Variants in DDX6 observed in about 807,000 individuals in gnomAD.
DDX6 encodes DEAD-box helicase 6, also known as probable ATP-dependent RNA helicase DDX6.
DDX6 carries 7 observed loss-of-function variants against 60.6 expected under a neutral mutation model. The ratio of observed to expected loss-of-function variants is 0.12; its 90% CI spans 0.07 to 0.22. DDX6 has a LOEUF of 0.22. Ranked by LOEUF, DDX6 falls within the 10% of genes least tolerant of loss-of-function variation. DDX6 has a pLI of 1.00. For synonymous variants in DDX6, 207 were observed against 201.0 expected (o/e 1.03, Z -0.25); for missense variants, 270 against 589.9 (o/e 0.46, Z 5.62).
intron 2 of DDX6, among the ~76,000 whole-genome samples, chr11:118,781,570 T>A (rs1443405404): frequency 1.3e-5 from 2 of 152,214 alleles, no homozygotes; most frequent in Non-Finnish European, 2.9e-5. Flanking sequence ...TCCACCTGCC[T>A]CGGCCTCCCA....
rs1029206104 is a variant in DDX6 at position 118,768,290 on chromosome 11, T to G, written c.432A>C (p.Thr144=). The stretch of plus-strand genomic sequence containing the variant: ...GAATGAGGTAGGCACCGCTCTTGCC[T>G]GTTCCATTTTTTGCTCTAGCTAAGA... ...RDILARAKNG[T]GKSGAYLIPL... Residue 144 remains threonine, a synonymous_variant, in exon 5 of 14, where the codon ACA becomes ACC. Transcript: ENST00000534980. 1 of 1,613,580 alleles carries G rather than the reference T, an allele frequency of 6.2e-7. No individual in the cohort carries two copies. The highest frequency in any genetic ancestry group is 2.2e-5 in the East Asian group (1 of 44,872).
intron 1 of DDX6, chr11:118,787,260 A>C (rs1391434240): frequency 6.6e-6 from 1 of 152,292 alleles, no homozygotes; most frequent in Non-Finnish European, 1.5e-5. Flanking sequence ...TCATGAGGTC[A>C]GGAGTTCAGG....
rs1860783850 is a variant in DDX6 at position 118,751,850 on chromosome 11, AT to A, written c.*254del. The A allele has an allele frequency of 4.7e-6, 2 of 427,174 alleles. No individual in the cohort carries two copies. Among genetic ancestry groups the A allele is most frequent in the South Asian group, 3.4e-5 (2 of 58,366 alleles). 26.5% of individuals were successfully genotyped at this position (427,174 alleles called of 1,614,324 possible). A position where few individuals can be genotyped will look rare whatever the true frequency, so the allele number is the denominator to read the frequency against. ...TCCTTGTCCCCTTTCCCCAGAAAAC[AT>A]TTTTTAAAAACCAGCAGTTAGTGCA... On this transcript the variant is annotated 3_prime_UTR_variant, in exon 14 of 14. Coordinates refer to ENST00000534980, the MANE Select transcript of DDX6 (RefSeq NM_004397.6).
chr11:118,775,593 T>C (rs1565573931), intron 4 of DDX6, among the ~76,000 whole-genome samples: 4 of 152,234 alleles, frequency 2.6e-5, no homozygotes, highest in African/African-American at 9.6e-5. Flanking sequence ...TAAAACAATA[T>C]ACTCATACAA....
intron 3 of DDX6, among the ~76,000 whole-genome samples, chr11:118,780,056 C>T (rs1442026876): frequency 8.4e-6 from 1 of 118,886 alleles, no homozygotes; most frequent in Non-Finnish European, 1.6e-5. Flanking sequence ...ACGGAGGTTG[C>T]AGTGAGGTGA....
At chr11:118,782,011 G>A (rs1484801458) in intron 2 of DDX6, among the ~76,000 whole-genome samples, 1 of 151,792 alleles carries the variant, frequency 6.6e-6, no homozygotes, top group African/African-American at 2.4e-5. Context: ...TCAGGAGTTC[G>A]AGAGTAGCCT....
chr11:118,773,899 TTTGAG>T (rs1861617166), intron 4 of DDX6, among the ~76,000 whole-genome samples: 1 of 151,336 alleles, frequency 6.6e-6, no homozygotes, highest in Non-Finnish European at 1.5e-5. Context: ...AAAAAAAACC[TTTGAG>T]TTTTTAGGAA....
intron 5 of DDX6, among the ~76,000 whole-genome samples, 168 bp from the exon 6 acceptor site, chr11:118,765,523 C>T (rs1326826556): frequency 1.3e-5 from 2 of 152,150 alleles, no homozygotes; most frequent in Non-Finnish European, 2.9e-5. Context: ...GCCTGTAATC[C>T]CAGCACTCTG....
rs1961139 is a variant in DDX6, at chr11:118,748,676, A to G, written c.*3429T>C. 6.6e-5 allele frequency: 10 copies of G among 152,120 alleles called. No homozygotes were observed. The highest frequency in any genetic ancestry group is 6.6e-4 in the Admixed American group (10 of 15,250). The allele number at this position is 152,120 out of a possible 1,614,324, so 9.4% of individuals were successfully genotyped here. On this transcript the variant is annotated 3_prime_UTR_variant, in exon 14 of 14. Coordinates refer to ENST00000534980, the MANE Select transcript of DDX6 (RefSeq NM_004397.6). ...GTTTCTGATGAGGTTATGAGCTTCC[A>G]AAGTGTTTCTAAATCCTTAGTGCAG...
At chr11:118,766,262 A>AC (rs1357094323) in intron 5 of DDX6, among the ~76,000 whole-genome samples, 2 of 150,906 alleles carry the variant, frequency 1.3e-5, no homozygotes, top group East Asian at 4.1e-4. Flanking sequence ...CCCCATCTCT[A>AC]CTAAAAAAAA....
chr11:118,784,741 G>A (rs1354056715), intron 2 of DDX6, among the ~76,000 whole-genome samples: 2 of 150,310 alleles, frequency 1.3e-5, no homozygotes, highest in African/African-American at 4.9e-5. Flanking sequence ...AAAGGCGTGA[G>A]CTACCGCACC....
intron 4 of DDX6, among the ~76,000 whole-genome samples, chr11:118,770,057 G>A (rs982019869): frequency 3.3e-5 from 5 of 150,260 alleles, no homozygotes; most frequent in East Asian, 3.9e-4. Flanking sequence ...ACAGAGTTTC[G>A]CTCTTGTCAC....
chr11:118,780,913 T>C (rs1191119453), intron 3 of DDX6, among the ~76,000 whole-genome samples: 5 of 152,200 alleles, frequency 3.3e-5, no homozygotes, highest in Non-Finnish European at 7.3e-5. Context: ...TTGAAAACAA[T>C]AGGCTAAGAG....
At chr11:118,762,414 G>A (rs1434121475) in intron 7 of DDX6, among the ~76,000 whole-genome samples, 6 of 152,078 alleles carry the variant, frequency 3.9e-5, no homozygotes, top group African/African-American at 9.7e-5. Flanking sequence ...TTCATCCTAA[G>A]TTGAAAATAT....
At chr11:118,765,425 T>C in intron 5 of DDX6, 70 bp from the exon 6 acceptor site, 2 of 1,514,070 alleles carry the variant, frequency 1.3e-6, no homozygotes, top group African/African-American at 1.4e-5. Context: ...ACATCATTAT[T>C]TACAAAATTT....
chr11:118,786,370 A>G lies in DDX6; in HGVS notation c.-119T>C, dbSNP rs1565581221. On this transcript the variant is annotated 5_prime_UTR_variant, in exon 2 of 14. Transcript: ENST00000534980. ...GAGATAAATATAAGTCTTGCTCAAT[A>G]AATGAGTCCTTTATTGCAATGCAGG... 1 of 834,120 alleles carries G rather than the reference A, an allele frequency of 1.2e-6. No homozygotes were observed. Among genetic ancestry groups the G allele is most frequent in the Non-Finnish European group, 1.8e-6 (1 of 558,132 alleles). 51.7% of individuals were successfully genotyped at this position (834,120 alleles called of 1,614,324 possible). A position where few individuals can be genotyped will look rare whatever the true frequency, so the allele number is the denominator to read the frequency against.
At chr11:118,765,491 A>T (rs1055403128) in intron 5 of DDX6, 136 bp from the exon 6 acceptor site, 1 of 897,712 alleles carries the variant, frequency 1.1e-6, no homozygotes, top group Non-Finnish European at 1.7e-6. Flanking sequence ...CTGTAACTGC[A>T]CCTTATGATG....
chr11:118,781,223 T>C (rs781784859), intron 2 of DDX6, 39 bp from the exon 3 acceptor site: 3 of 1,302,154 alleles, frequency 2.3e-6, no homozygotes, highest in Non-Finnish European at 3.3e-6. Flanking sequence ...TCAAAATTCA[T>C]AGCATCCTAA....
At chr11:118,788,476 C>A (rs1388955570) in intron 1 of DDX6, 1 of 152,240 alleles carries the variant, frequency 6.6e-6, no homozygotes, top group African/African-American at 2.4e-5. Flanking sequence ...CAGCTCACTG[C>A]AAGCTCCGCC....
Sources: gnomAD v4.1 joint callset for allele counts (sites outside exome capture counted in the v4.1 genomes callset) on GRCh38, gnomAD v4.1.1 for gene constraint, MANE v1.5 for transcripts, NCBI Gene and HGNC (gene_info 2026-07-23, HGNC 2026-07-21) for gene names.